The following AIM2 variants were observed in gnomAD, a reference collection of about 807,000 sequenced individuals.
The protein encoded by AIM2 is absent in melanoma 2.
AIM2 carries 30 observed loss-of-function variants against 27.7 expected under a neutral mutation model. That is an observed-to-expected ratio of 1.08 (90% CI 0.81 to 1.47). The LOEUF is 1.47. Among genes scored for constraint, AIM2 ranks in the 40% most tolerant of loss-of-function variants. The pLI is 0.00. For synonymous variants in AIM2, 141 were observed against 145.3 expected, an observed-to-expected ratio of 0.97 and a Z score of 0.21; for missense variants, 358 against 411.3, an observed-to-expected ratio of 0.87 and a Z score of 1.12.
At chr1:159,091,619 T>C (rs1397531351) in intron 1 of AIM2, among the ~76,000 whole-genome samples, 1 of 152,210 alleles carries the variant, frequency 6.6e-6, no homozygotes, top group East Asian at 1.9e-4. Context: ...GACAGCAATC[T>C]GTAGGATGGG....
intron 5 of AIM2, 37 bp from the exon 6 acceptor site, chr1:159,062,755 G>T: frequency 6.2e-7 from 1 of 1,600,810 alleles, no homozygotes; most frequent in Non-Finnish European, 8.6e-7. Flanking sequence ...CTGAGATGCA[G>T]TCGATGAGTG....
intron 1 of AIM2, among the ~76,000 whole-genome samples, chr1:159,091,666 G>C (rs1378851679): frequency 6.6e-6 from 1 of 152,204 alleles, no homozygotes; most frequent in Admixed American, 6.5e-5. Flanking sequence ...CTGCCCTCTG[G>C]ATGCCCTTGG....
chr1:159,107,536 T>A (rs1657477428), intron 1 of AIM2, among the ~76,000 whole-genome samples: 1 of 151,894 alleles, frequency 6.6e-6, no homozygotes, highest in Non-Finnish European at 1.5e-5. Flanking sequence ...AGGAAAAAAC[T>A]CTTGTGAAAA....
chr1:159,070,947 C>T (rs961298075), intron 2 of AIM2, among the ~76,000 whole-genome samples: 1 of 152,222 alleles, frequency 6.6e-6, no homozygotes, highest in African/African-American at 2.4e-5. Flanking sequence ...TCATTTCACA[C>T]ACTGTGGTAC....
intron 1 of AIM2, among the ~76,000 whole-genome samples, chr1:159,094,463 G>A (rs1047838438): frequency 7.2e-5 from 11 of 152,184 alleles, no homozygotes; most frequent in Non-Finnish European, 1.0e-4. Flanking sequence ...TTGAGAGGCC[G>A]AGGTGGGTGG....
chr1:159,064,336 T>G (rs1655983310), intron 4 of AIM2, among the ~76,000 whole-genome samples: 1 of 152,150 alleles, frequency 6.6e-6, no homozygotes, highest in Admixed American at 6.5e-5. Flanking sequence ...TTCCCTTCCT[T>G]TAGGAGGAGG....
At chr1:159,062,886 A>G (rs1655896329) in intron 5 of AIM2, among the ~76,000 whole-genome samples, 168 bp from the exon 6 acceptor site, 2 of 152,174 alleles carry the variant, frequency 1.3e-5, no homozygotes, top group Non-Finnish European at 2.9e-5. Context: ...TCCTGAAGTG[A>G]ATATCTGACC....
chr1:159,065,284 G>C (rs1410969680), intron 4 of AIM2, among the ~76,000 whole-genome samples: 1 of 151,900 alleles, frequency 6.6e-6, no homozygotes, highest in African/African-American at 2.4e-5. Context: ...CCTCTGCCCC[G>C]CGGCCCTGTC....
At chr1:159,098,503 T>C (rs1211085742) in intron 1 of AIM2, among the ~76,000 whole-genome samples, 1 of 152,218 alleles carries the variant, frequency 6.6e-6, no homozygotes, top group Admixed American at 6.5e-5. Flanking sequence ...GCGGCTACTG[T>C]AGTGGACAAC....
Position 159,073,260 on chromosome 1 carries a change from A to AC in AIM2, c.239dup (p.Leu81SerfsTer9). 1 of 1,614,162 alleles carries AC rather than the reference A, an allele frequency of 6.2e-7. No homozygotes were observed. Among genetic ancestry groups the AC allele is most frequent in the Non-Finnish European group, 8.5e-7 (1 of 1,180,010 alleles). On this transcript the variant is annotated frameshift_variant, in exon 2 of 6. Coordinates refer to ENST00000368130, the MANE Select transcript of AIM2 (RefSeq NM_004833.3). LOFTEE classifies it high-confidence loss of function. ...TACCTTTCTCCTTCTCCTCCTGAAG[A>AC]CGTTTTGCCAAAAGCATATAATTCA...
intron 1 of AIM2, among the ~76,000 whole-genome samples, chr1:159,133,211 T>A (rs1037154362): frequency 2.0e-5 from 3 of 152,010 alleles, no homozygotes; most frequent in Non-Finnish European, 4.4e-5. Context: ...CTCTTAATGA[T>A]TTCCTTCCCA....
upstream of AIM2, among the ~76,000 whole-genome samples, chr1:159,079,042 A>G (rs1218910910): frequency 1.3e-5 from 2 of 152,190 alleles, no homozygotes; most frequent in East Asian, 3.8e-4. Context: ...TCTTTCTTAA[A>G]TATGAGTAAA....
rs375624593 is a variant in AIM2, at chr1:159,066,048, A to G, written c.678T>C (p.Arg226=). The G allele has an allele frequency of 1.2e-5, 20 of 1,614,070 alleles. No individual in the cohort carries two copies. The highest frequency in any genetic ancestry group is 1.7e-5 in the Non-Finnish European group (20 of 1,180,044). ...TTTGGTCAGATTCAGCATCTAACACACGTGAGGCGCTATTTACCTCTAAGA... is the reference window on the plus strand; with the variant it reads ...TTTGGTCAGATTCAGCATCTAACACGCGTGAGGCGCTATTTACCTCTAAGA... ...SGFLEVNSAS[R]VLDAESDQKV... Residue 226 remains arginine, a synonymous_variant, in exon 4 of 6, where the codon CGT becomes CGC. Coordinates refer to ENST00000368130, the MANE Select transcript of AIM2 (RefSeq NM_004833.3).
At chr1:159,118,614 C>T (rs987316279) in intron 1 of AIM2, among the ~76,000 whole-genome samples, 1 of 152,160 alleles carries the variant, frequency 6.6e-6, no homozygotes, top group African/African-American at 2.4e-5. Context: ...AGGACTCATT[C>T]TAATAGAATA....
chr1:159,116,393 TTG>T (rs1252534810), intron 1 of AIM2, among the ~76,000 whole-genome samples: 1 of 152,202 alleles, frequency 6.6e-6, no homozygotes, highest in Non-Finnish European at 1.5e-5. Flanking sequence ...CATATGTTTA[TTG>T]TGGCACTATT....
Position 159,065,995 on chromosome 1 carries a change from C to T in AIM2, c.731G>A (p.Arg244Lys), listed in dbSNP as rs1251329306. The T allele has an allele frequency of 6.2e-7, 1 of 1,610,368 alleles. No individual in the cohort carries two copies. The highest frequency in any genetic ancestry group is 8.5e-7 in the Non-Finnish European group (1 of 1,178,402). Residue 244 changes from arginine (R) to lysine (K), a missense_variant, in exon 4 of 6, where the codon AGA becomes AAA. Arg to Lys is a conservative substitution (Grantham distance 26). Coordinates refer to ENST00000368130, the MANE Select transcript of AIM2 (RefSeq NM_004833.3). ...QKVNVPLNII[R>K]KAGETPKINT... Reference sequence around the variant, plus strand: ...GATCTTCGGGGTTTCACCAGCTTTTCTGATAATGTTCAGCGGGACATTAAC... The same window carrying T: ...GATCTTCGGGGTTTCACCAGCTTTTTTGATAATGTTCAGCGGGACATTAAC...
At chr1:159,135,633 AG>A (rs1372452278) in intron 1 of AIM2, among the ~76,000 whole-genome samples, 4 of 152,208 alleles carry the variant, frequency 2.6e-5, no homozygotes, top group African/African-American at 7.2e-5. Context: ...AATTTTTTTA[AG>A]TTTCATGCTC....
chr1:159,103,066 G>A (rs1056685991), intron 1 of AIM2, among the ~76,000 whole-genome samples: 4 of 152,176 alleles, frequency 2.6e-5, no homozygotes, highest in South Asian at 2.1e-4. Flanking sequence ...CCCACATGTC[G>A]TGGGAGGCAC....
upstream of AIM2, among the ~76,000 whole-genome samples, chr1:159,145,145 C>A (rs933241778): frequency 3.3e-5 from 5 of 152,116 alleles, no homozygotes; most frequent in African/African-American, 1.2e-4. Context: ...CCCAGGAAGG[C>A]TGGAAAAGGT....
Sources: gnomAD v4.1 joint callset for allele counts (sites outside exome capture counted in the v4.1 genomes callset) on GRCh38, gnomAD v4.1.1 for gene constraint, MANE v1.5 for transcripts, NCBI Gene and HGNC (gene_info 2026-07-23, HGNC 2026-07-21) for gene names.